The following GNS variants were observed in gnomAD, a reference collection of about 807,000 sequenced individuals.
GNS encodes glucosamine (N-acetyl)-6-sulfatase.
In GNS, 40 loss-of-function variants were observed where a neutral mutation model predicts 69.7. The observed-to-expected ratio is 0.57, with a 90% CI of 0.45 to 0.75. The LOEUF is 0.75. Ranked by LOEUF, GNS falls within the 30% of genes least tolerant of loss-of-function variation. The pLI is 0.00. For missense variants in GNS, 565 were observed against 685.5 expected, an observed-to-expected ratio of 0.82 and a Z score of 1.96; for synonymous variants, 243 against 251.6, an observed-to-expected ratio of 0.97 and a Z score of 0.32.
At position 64,716,749 on chromosome 12, in the gene GNS, G is replaced by T; in HGVS notation, c.1651C>A (p.Leu551Ile). 6.2e-7 allele frequency: 1 copy of T among 1,605,702 alleles called. No individual in the cohort carries two copies. Among genetic ancestry groups the T allele is most frequent in the Non-Finnish European group, 8.5e-7 (1 of 1,172,368 alleles). Residue 551 changes from leucine (L) to isoleucine (I), a missense_variant, in exon 14 of 14, where the codon CTT becomes ATT. By Grantham distance (5) the Leu-to-Ile change is conservative. Around this residue, in one of 2 missense-constraint regions of GNS, gnomAD observed 384 missense variants for 511.0 expected, o/e 0.75. Coordinates refer to ENST00000258145, the MANE Select transcript of GNS (RefSeq NM_002076.4). ...GAGGCTGTGTGAGGTCGCTACAGAA[G>T]ATGTTTGGAAAATCTTCGAGTCCTG... ...SVRTRRFSKH[L>I]L
intron 10 of GNS, among the ~76,000 whole-genome samples, chr12:64,726,724 G>A (rs1869213070): frequency 6.6e-6 from 1 of 152,050 alleles, no homozygotes; most frequent in Non-Finnish European, 1.5e-5. Context: ...TTGAACTCCT[G>A]GACTCAAGAG....
intron 6 of GNS, among the ~76,000 whole-genome samples, chr12:64,741,953 T>C (rs1458718443): frequency 6.6e-6 from 1 of 152,186 alleles, no homozygotes; most frequent in East Asian, 1.9e-4. Flanking sequence ...GAACACAGAT[T>C]GAGAATCGTC....
At chr12:64,720,390 A>G (rs1868989192) in intron 12 of GNS, among the ~76,000 whole-genome samples, 1 of 152,188 alleles carries the variant, frequency 6.6e-6, no homozygotes, top group South Asian at 2.1e-4. Flanking sequence ...CTGGGGGTTC[A>G]GTTGCTTCGG....
Position 64,749,474 on chromosome 12 carries a change from G to A in GNS, c.253-1556C>T, listed in dbSNP as rs192455145. Among the ~76,000 whole-genome samples, 1,324 of 151,702 alleles carry A rather than the reference G, an allele frequency of 8.7e-3. 11 individuals are homozygous for A. The highest frequency in any genetic ancestry group is 0.031 in the African/African-American group (1,265 of 41,322). ...TCACAGTGTTAGCCAGGATGGTCTC[G>A]ATCTCTTGACCTCGTGATCCACCCG... On this transcript the variant is annotated intron_variant, in intron 2 of 13. Transcript: ENST00000258145.
intron 2 of GNS, among the ~76,000 whole-genome samples, chr12:64,750,148 G>C (rs1390674634): frequency 6.6e-6 from 1 of 152,114 alleles, no homozygotes; most frequent in Non-Finnish European, 1.5e-5. Context: ...CTGGGTTCAA[G>C]CAATTCTAAT....
In GNS at chr12:64,716,973, G is replaced by A. The variant is rs556844240; in HGVS notation, c.1581-154C>T. Among the ~76,000 whole-genome samples, 20 of 152,276 alleles carry A rather than the reference G, an allele frequency of 1.3e-4. No individual in the cohort carries two copies. In the South Asian group the frequency reaches 3.7e-3, roughly 28 times the overall value. On this transcript the variant is annotated intron_variant, in intron 13 of 13. Transcript: ENST00000258145. ...TCTATGGTACAAAACATGAGCCCTC[G>A]ACAGTTCCGAACATTTCTATCACCA...
intron 5 of GNS, among the ~76,000 whole-genome samples, chr12:64,744,001 T>C (rs1869824101): frequency 6.6e-6 from 1 of 152,194 alleles, no homozygotes; most frequent in Non-Finnish European, 1.5e-5. Flanking sequence ...TCCTGTCAGC[T>C]TCCTTGTGGT....
intron 3 of GNS, among the ~76,000 whole-genome samples, chr12:64,747,452 T>C (rs1488996703): frequency 6.6e-6 from 1 of 152,164 alleles, no homozygotes; most frequent in Non-Finnish European, 1.5e-5. Flanking sequence ...TTTAAATACA[T>C]GCTCCTGGGA....
intron 13 of GNS, among the ~76,000 whole-genome samples, chr12:64,717,286 A>G (rs1868891744): frequency 6.6e-6 from 1 of 152,228 alleles, no homozygotes. Context: ...TAATAAGGAA[A>G]GAAAAAAATC....
chr12:64,755,899 C>T (rs1181846782), intron 1 of GNS, among the ~76,000 whole-genome samples: 1 of 151,898 alleles, frequency 6.6e-6, no homozygotes, highest in Admixed American at 6.6e-5. Context: ...GAACTCCTGA[C>T]CTCGTGATCT....
chr12:64,728,984 A>G lies in GNS; in HGVS notation c.1172T>C (p.Met391Thr). 6.3e-7 allele frequency: 1 copy of G among 1,586,866 alleles called. No homozygotes were observed. The highest frequency in any genetic ancestry group is 8.7e-7 in the Non-Finnish European group (1 of 1,155,208). The change falls in exon 10 of 14, where the codon ATG (methionine) becomes ACG (threonine). Residue 391 changes from methionine to threonine, a missense_variant. By Grantham distance (81) the Met-to-Thr change is moderately conservative. Transcript: ENST00000258145. Reference sequence around the variant, plus strand: ...AATGGGCAATAAGGACATCCCATCCATCTGTGTCTTATTTAGGTCGTAGCC... The same window carrying G: ...AATGGGCAATAAGGACATCCCATCCGTCTGTGTCTTATTTAGGTCGTAGCC... ...IAGYDLNKTQ[M>T]DGMSLLPILR...
chr12:64,723,243 T>C, intron 10 of GNS, 130 bp from the exon 11 acceptor site: 1 of 695,622 alleles, frequency 1.4e-6, no homozygotes, highest in Non-Finnish European at 2.7e-6. Context: ...CTAAAGGGAA[T>C]GACTAAAACA....
In GNS at chr12:64,745,018, T is replaced by A. The variant is rs968100145; in HGVS notation, c.526-111A>T. ...GAGCAGTGATAAGACATTAAAAAGA[T>A]AATTACTCAAGTCAATACTGAATTG... is the stretch of plus-strand genomic sequence containing the variant. On this transcript the variant is annotated intron_variant, in intron 4 of 13. Coordinates refer to ENST00000258145, the MANE Select transcript of GNS (RefSeq NM_002076.4). 5.9e-5 allele frequency: 41 copies of A among 691,616 alleles called. No homozygotes were observed. The Middle Eastern group carries it at 1.1e-3, about 19-fold the overall frequency. The allele number at this position is 691,616 out of a possible 1,614,324, so 42.8% of individuals were successfully genotyped here.
At chr12:64,724,686 C>T (rs1220611994) in intron 10 of GNS, among the ~76,000 whole-genome samples, 2 of 152,016 alleles carry the variant, frequency 1.3e-5, no homozygotes, top group African/African-American at 4.8e-5. Flanking sequence ...GGTGAAACCC[C>T]GTCTCTACTA....
chr12:64,717,500 C>T (rs773150922), intron 13 of GNS, among the ~76,000 whole-genome samples: 7 of 149,692 alleles, frequency 4.7e-5, no homozygotes, highest in Non-Finnish European at 8.9e-5. Flanking sequence ...CACTGGCGTG[C>T]GCCACCACAC....
intron 9 of GNS, among the ~76,000 whole-genome samples, chr12:64,734,115 T>C (rs1869488647): frequency 6.6e-6 from 1 of 152,170 alleles, no homozygotes; most frequent in East Asian, 1.9e-4. Context: ...CCGACATTCT[T>C]TGTGCCAGGG....
At chr12:64,749,484 C>A (rs1490056642) in intron 2 of GNS, among the ~76,000 whole-genome samples, 3 of 151,970 alleles carry the variant, frequency 2.0e-5, no homozygotes, top group Non-Finnish European at 4.4e-5. Context: ...GATCTCTTGA[C>A]CTCGTGATCC....
intron 8 of GNS, 132 bp downstream of exon 8, chr12:64,739,249 C>A: frequency 2.6e-6 from 2 of 769,408 alleles, no homozygotes; most frequent in Non-Finnish European, 4.8e-6. Context: ...CTGGAGGGGT[C>A]CTGAGGGCAA....
At position 64,738,656 on chromosome 12, in the gene GNS, T is replaced by C. The variant is rs569579441; in HGVS notation, c.994+725A>G. On this transcript the variant is annotated intron_variant, in intron 8 of 13. Transcript: ENST00000258145. ...GGCAAAAACCCATCTCTACTAAAAA[T>C]ACAAAAATTGGCCAGGCGTGGTGGC... is the stretch of plus-strand genomic sequence containing the variant. 2.0e-5 allele frequency among the ~76,000 whole-genome samples: 3 copies of C among 151,834 alleles called. 1 individual carries two copies. The highest frequency in any genetic ancestry group is 2.0e-4 in the Admixed American group (3 of 15,250).
Sources: gnomAD v4.1 joint callset for allele counts (sites outside exome capture counted in the v4.1 genomes callset) on GRCh38, gnomAD v4.1.1 for gene constraint, gnomAD v4.1.1 regional missense constraint, MANE v1.5 for transcripts, NCBI Gene and HGNC (gene_info 2026-07-23, HGNC 2026-07-21) for gene names.